Variants in KIZ observed in about 807,000 individuals in gnomAD.
KIZ encodes kizuna centrosomal protein, also known as centrosomal protein kizuna.
KIZ carries 68 observed loss-of-function variants against 79.6 expected under a neutral mutation model. The ratio of observed to expected loss-of-function variants is 0.85; its 90% CI spans 0.70 to 1.05. The LOEUF is 1.05. Ranked by LOEUF, KIZ falls within the 50% of genes least tolerant of loss-of-function variation. The pLI, the probability that KIZ is intolerant of heterozygous loss-of-function variation, is 0.00. For synonymous variants in KIZ, 280 were observed against 281.8 expected, an observed-to-expected ratio of 0.99 and a Z score of 0.06; for missense variants, 797 against 800.4, an observed-to-expected ratio of 1.00 and a Z score of 0.05.
intron 6 of KIZ, among the ~76,000 whole-genome samples, chr20:21,169,039 T>C: frequency 6.6e-6 from 1 of 152,146 alleles, no homozygotes; most frequent in Non-Finnish European, 1.5e-5. Context: ...ACTTCATGTC[T>C]AAAACACCAA....
chr20:21,174,478 A>G, intron 6 of KIZ, among the ~76,000 whole-genome samples: 1 of 152,352 alleles, frequency 6.6e-6, no homozygotes, highest in South Asian at 2.1e-4. Context: ...AAGGTTAAAT[A>G]GGAAGCTCAA....
intron 4 of KIZ, chr20:21,154,175 G>A (rs1277092446): frequency 6.6e-6 from 1 of 152,084 alleles, no homozygotes; most frequent in Admixed American, 6.6e-5. Context: ...CATTTAACTT[G>A]CTGCTTCTCA....
intron 6 of KIZ, among the ~76,000 whole-genome samples, chr20:21,167,731 T>C (rs1221242341): frequency 2.0e-5 from 3 of 152,120 alleles, no homozygotes; most frequent in East Asian, 1.9e-4. Context: ...CCAACTAATT[T>C]TGTATTTTTA....
intron 6 of KIZ, among the ~76,000 whole-genome samples, chr20:21,176,213 G>A (rs2034426116): frequency 6.6e-6 from 1 of 152,138 alleles, no homozygotes; most frequent in Admixed American, 6.5e-5. Context: ...GAGAGGCTGA[G>A]GCACAAGAAT....
intron 3 of KIZ, among the ~76,000 whole-genome samples, chr20:21,137,553 A>G (rs1259123780): frequency 6.6e-6 from 1 of 151,646 alleles, no homozygotes; most frequent in Non-Finnish European, 1.5e-5. Flanking sequence ...AGTTAGCATA[A>G]TTATTATGAT....
intron 4 of KIZ, among the ~76,000 whole-genome samples, chr20:21,152,774 C>T (rs540024478): frequency 2.6e-5 from 4 of 152,242 alleles, no homozygotes; most frequent in South Asian, 4.1e-4. Flanking sequence ...TTTGGAATGC[C>T]GAATTTCTCT....
chr20:21,168,664 G>A (rs1403505221), intron 6 of KIZ, among the ~76,000 whole-genome samples: 6 of 152,172 alleles, frequency 3.9e-5, no homozygotes, highest in East Asian at 1.9e-4. Flanking sequence ...GAGGCATCAC[G>A]CTACCTGACT....
At chr20:21,237,968 C>T (rs1292307291) in intron 11 of KIZ, among the ~76,000 whole-genome samples, 7 of 152,162 alleles carry the variant, frequency 4.6e-5, no homozygotes, top group Non-Finnish European at 1.0e-4. Context: ...TAGCTGAGAC[C>T]ACAGGCACAT....
chr20:21,173,917 G>T (rs2034328432), intron 6 of KIZ, among the ~76,000 whole-genome samples: 2 of 152,166 alleles, frequency 1.3e-5, no homozygotes, highest in South Asian at 4.1e-4. Context: ...GGCCTAAGAA[G>T]AACACTAGAG....
chr20:21,156,967 A>G (rs1257324424), intron 4 of KIZ, among the ~76,000 whole-genome samples: 2 of 152,324 alleles, frequency 1.3e-5, no homozygotes, highest in African/African-American at 2.4e-5. Context: ...GTAAAATTAT[A>G]TCAAAGTAAA....
At chr20:21,209,719 T>C (rs2035988448) in intron 7 of KIZ, among the ~76,000 whole-genome samples, 1 of 152,238 alleles carries the variant, frequency 6.6e-6, no homozygotes, top group Non-Finnish European at 1.5e-5. Flanking sequence ...TGAGGAAGAG[T>C]CAGTTAAATC....
chr20:21,161,710 C>G (rs1305192403), intron 4 of KIZ, among the ~76,000 whole-genome samples, 161 bp from the exon 5 acceptor site: 1 of 151,704 alleles, frequency 6.6e-6, no homozygotes, highest in Admixed American at 6.6e-5. Context: ...GCTTTTTGCT[C>G]ATTCATTATG....
intron 6 of KIZ, among the ~76,000 whole-genome samples, chr20:21,174,870 G>A (rs2034368581): frequency 6.6e-6 from 1 of 152,214 alleles, no homozygotes; most frequent in Non-Finnish European, 1.5e-5. Flanking sequence ...TGAAAGTCAT[G>A]TGCCTGGAAT....
intron 6 of KIZ, among the ~76,000 whole-genome samples, chr20:21,177,394 G>A (rs1430309611): frequency 6.6e-6 from 1 of 152,098 alleles, no homozygotes; most frequent in African/African-American, 2.4e-5. Context: ...TTGAAGAAAT[G>A]TTTATTCAGG....
In KIZ at chr20:21,233,451, CT is replaced by C. The variant is rs1355550377; in HGVS notation, c.1880+623del. Reference sequence around the variant, plus strand: ...TAACATAAAATACTAATCACAGTAGCTTCAGGTCACTTAGAATTTATAGATG... The same window carrying C: ...TAACATAAAATACTAATCACAGTAGCTCAGGTCACTTAGAATTTATAGATG... On this transcript the variant is annotated intron_variant, in intron 11 of 12. Transcript: ENST00000619189. 2.6e-5 allele frequency among the ~76,000 whole-genome samples: 4 copies of C among 152,196 alleles called. No homozygotes were observed. In the East Asian group the frequency reaches 7.7e-4, roughly 29 times the overall value.
At chr20:21,222,277 G>A (rs1033786990) in intron 9 of KIZ, among the ~76,000 whole-genome samples, 5 of 152,184 alleles carry the variant, frequency 3.3e-5, no homozygotes, top group Non-Finnish European at 2.9e-5. Context: ...TCTCCCCAGC[G>A]GTTCATGGTA....
intron 6 of KIZ, chr20:21,166,602 C>T (rs548012109): frequency 6.1e-5 from 73 of 1,199,266 alleles, no homozygotes; most frequent in Admixed American, 7.7e-5. Context: ...ACCATTGTGG[C>T]GGTGCGGAAA....
rs767482951 is a variant in KIZ, at chr20:21,244,267, GT to G, written c.1904del (p.Val635GlyfsTer4). 6.2e-7 allele frequency: 1 copy of G among 1,603,266 alleles called. No homozygotes were observed. Among genetic ancestry groups the G allele is most frequent in the Admixed American group, 1.7e-5 (1 of 59,828 alleles). The part of the protein sequence containing the change: ...LSRHENKKKP[V>X]INLKSNALWD... Reference sequence around the variant, plus strand: ...CAGGCATGAAAACAAAAAGAAACCCGTGATCAATTTAAAATCTAATGGTGAG... The same window carrying G: ...CAGGCATGAAAACAAAAAGAAACCCGGATCAATTTAAAATCTAATGGTGAG... On this transcript the variant is annotated frameshift_variant, in exon 12 of 13. Coordinates refer to ENST00000619189, the MANE Select transcript of KIZ (RefSeq NM_018474.6). LOFTEE classifies it high-confidence loss of function.
chr20:21,241,416 C>A (rs1208886836), intron 11 of KIZ, among the ~76,000 whole-genome samples: 1 of 152,208 alleles, frequency 6.6e-6, no homozygotes, highest in Non-Finnish European at 1.5e-5. Context: ...CGTGGGTAGG[C>A]CACGCACCAC....
Sources: allele counts gnomAD v4.1 joint callset (sites outside exome capture counted in the v4.1 genomes callset), GRCh38; gene constraint gnomAD v4.1.1; transcripts MANE v1.5; gene names NCBI Gene and HGNC (gene_info 2026-07-23, HGNC 2026-07-21).